The following EDARADD variants were observed in gnomAD, a reference collection of about 807,000 sequenced individuals.
The protein encoded by EDARADD is ectodysplasin-A receptor-associated adapter protein.
EDARADD carries 20 observed loss-of-function variants against 25.6 expected under a neutral mutation model. The ratio of observed to expected loss-of-function variants is 0.78; its 90% CI spans 0.55 to 1.14. The LOEUF (loss-of-function observed/expected upper bound fraction) is 1.14. EDARADD is among the 50% of genes most tolerant of loss of function. EDARADD has a pLI of 0.00. For missense variants in EDARADD, 225 were observed against 270.1 expected, an observed-to-expected ratio of 0.83 and a Z score of 1.17; for synonymous variants, 86 against 94.4, an observed-to-expected ratio of 0.91 and a Z score of 0.52.
At chr1:236,405,322 A>G (rs958819345) in intron 1 of EDARADD, among the ~76,000 whole-genome samples, 2 of 152,162 alleles carry the variant, frequency 1.3e-5, no homozygotes, top group African/African-American at 4.8e-5. Context: ...TTCTGTCTCT[A>G]TCTTGTTGGC....
At chr1:236,477,572 G>A (rs567880950) in intron 5 of EDARADD, among the ~76,000 whole-genome samples, 72 of 152,228 alleles carry the variant, frequency 4.7e-4, no homozygotes, top group African/African-American at 1.6e-3. Context: ...GACAGGGGCC[G>A]GGAAGACTTC....
chr1:236,441,271 A>T (rs1469229803), intron 4 of EDARADD, among the ~76,000 whole-genome samples: 1 of 145,096 alleles, frequency 6.9e-6, no homozygotes, highest in Non-Finnish European at 1.5e-5. Flanking sequence ...CTCTTTATTT[A>T]TATATATATA....
intron 3 of EDARADD, among the ~76,000 whole-genome samples, chr1:236,361,379 G>A (rs756641909): frequency 7.9e-5 from 12 of 151,420 alleles, no homozygotes; most frequent in Non-Finnish European, 1.3e-4. Context: ...GCAGTGGCGC[G>A]ATCTCGGCTC....
intron 4 of EDARADD, among the ~76,000 whole-genome samples, chr1:236,466,465 A>T (rs1571953149): frequency 6.6e-6 from 1 of 151,580 alleles, no homozygotes; most frequent in East Asian, 1.9e-4. Flanking sequence ...ACACACTCAC[A>T]CTCACACACT....
chr1:236,405,871 TTCC>T (rs1170215165), intron 1 of EDARADD, among the ~76,000 whole-genome samples: 91 of 59,768 alleles, frequency 1.5e-3, no homozygotes, highest in Admixed American at 4.2e-3. Flanking sequence ...CCTTCCTTCC[TTCC>T]TTCTTTCTTT....
At chr1:236,471,472 GAA>G (rs11303149) in intron 5 of EDARADD, among the ~76,000 whole-genome samples, 8 of 139,720 alleles carry the variant, frequency 5.7e-5, no homozygotes, top group African/African-American at 2.1e-4. Flanking sequence ...ACCACACACA[GAA>G]AAAAAAAAAA....
At chr1:236,471,546 G>T (rs1437235279) in intron 5 of EDARADD, among the ~76,000 whole-genome samples, 1 of 151,396 alleles carries the variant, frequency 6.6e-6, no homozygotes. Context: ...TTCAACACTT[G>T]TTGGTATTTT....
intron 3 of EDARADD, among the ~76,000 whole-genome samples, chr1:236,361,249 G>A (rs1377688154): frequency 6.6e-6 from 1 of 152,002 alleles, no homozygotes; most frequent in Non-Finnish European, 1.5e-5. Context: ...CAGTCCTTAA[G>A]CAACAATGAT....
intron 2 of EDARADD, 150 bp downstream of exon 2, chr1:236,409,424 C>G: frequency 1.6e-6 from 1 of 621,518 alleles, no homozygotes; most frequent in East Asian, 2.8e-5. Flanking sequence ...TCTTGGTATT[C>G]TACGTGATAA....
intron 4 of EDARADD, among the ~76,000 whole-genome samples, chr1:236,457,282 G>A (rs564497711): frequency 2.0e-4 from 31 of 152,268 alleles, no homozygotes; most frequent in African/African-American, 7.5e-4. Flanking sequence ...TTGGGAGGCT[G>A]GGGCAGGCAG....
chr1:236,442,047 A>G (rs752543709), intron 4 of EDARADD, among the ~76,000 whole-genome samples: 10 of 152,204 alleles, frequency 6.6e-5, no homozygotes, highest in Non-Finnish European at 1.5e-4. Context: ...TGATGAAGGT[A>G]GCTATACTAA....
chr1:236,448,092 C>T (rs1162621071), intron 4 of EDARADD, among the ~76,000 whole-genome samples: 4 of 152,172 alleles, frequency 2.6e-5, no homozygotes, highest in Non-Finnish European at 5.9e-5. Flanking sequence ...GCCTTGGGCT[C>T]CCAAAGTGCT....
At chr1:236,457,961 T>C (rs1455874289) in intron 4 of EDARADD, among the ~76,000 whole-genome samples, 3 of 152,252 alleles carry the variant, frequency 2.0e-5, no homozygotes, top group Non-Finnish European at 2.9e-5. Context: ...CTCTAATTGT[T>C]TGACTCAATG....
intron 3 of EDARADD, among the ~76,000 whole-genome samples, chr1:236,356,835 G>A (rs963023694): frequency 1.3e-5 from 2 of 152,106 alleles, no homozygotes; most frequent in Non-Finnish European, 2.9e-5. Flanking sequence ...TGTAATCCCA[G>A]CACTTTGGGA....
At position 236,483,264 on chromosome 1, in the gene EDARADD, G is replaced by T. The variant is rs1489946855; in HGVS notation, c.*615G>T. 3.1e-6 allele frequency: 5 copies of T among 1,599,728 alleles called. No individual in the cohort carries two copies. ...CACCTCAGAAGGTCTCTTCAGAGCT[G>T]CTGTGCCCAGTGGTGCTTCAACTGG... On this transcript the variant is annotated 3_prime_UTR_variant, in exon 6 of 6. Coordinates refer to ENST00000334232, the MANE Select transcript of EDARADD (RefSeq NM_145861.4).
Position 236,483,241 on chromosome 1 carries a change from C to A in EDARADD, c.*592C>A, listed in dbSNP as rs1291518668. On this transcript the variant is annotated 3_prime_UTR_variant, in exon 6 of 6. Coordinates refer to ENST00000334232, the MANE Select transcript of EDARADD (RefSeq NM_145861.4). ...CCCACTGTTGAGGTTGATCTCTTCACCTCAGAAGGTCTCTTCAGAGCTGCT... is the reference window on the plus strand; with the variant it reads ...CCCACTGTTGAGGTTGATCTCTTCAACTCAGAAGGTCTCTTCAGAGCTGCT... 3.8e-6 allele frequency: 6 copies of A among 1,595,942 alleles called. No individual in the cohort carries two copies. The highest frequency in any genetic ancestry group is 5.1e-6 in the Non-Finnish European group (6 of 1,165,634).
chr1:236,474,828 A>T (rs1045476203), intron 5 of EDARADD, among the ~76,000 whole-genome samples: 3 of 152,226 alleles, frequency 2.0e-5, no homozygotes, highest in African/African-American at 7.2e-5. Flanking sequence ...TTTGAGAAGC[A>T]TCAAATAATA....
chr1:236,443,693 C>T (rs1658460317), intron 4 of EDARADD, among the ~76,000 whole-genome samples: 1 of 152,164 alleles, frequency 6.6e-6, no homozygotes, highest in Non-Finnish European at 1.5e-5. Flanking sequence ...GAATCTGCTC[C>T]TGGCAAAAAT....
chr1:236,475,022 A>G (rs991083754), intron 5 of EDARADD, among the ~76,000 whole-genome samples: 2 of 152,218 alleles, frequency 1.3e-5, no homozygotes, highest in African/African-American at 4.8e-5. Context: ...AATCCCAGCT[A>G]CTCGGGAGGG....
Sources: allele counts gnomAD v4.1 joint callset (sites outside exome capture counted in the v4.1 genomes callset), GRCh38; gene constraint gnomAD v4.1.1; transcripts MANE v1.5; gene names NCBI Gene and HGNC (gene_info 2026-07-23, HGNC 2026-07-21).